SEMA3D: variants seen among roughly 807,000 people sequenced by gnomAD.
The protein encoded by SEMA3D is semaphorin 3D, also known as semaphorin-3D.
SEMA3D carries 84 observed loss-of-function variants against 100.1 expected under a neutral mutation model. That is an observed-to-expected ratio of 0.84 (90% confidence interval 0.70 to 1.01). The LOEUF (loss-of-function observed/expected upper bound fraction) is 1.01, where lower values mean the gene tolerates loss of function less well. SEMA3D is among the 50% of genes least tolerant of loss of function. The pLI, the probability that SEMA3D is intolerant of heterozygous loss-of-function variation, is 0.00. For missense variants in SEMA3D, 875 were observed against 934.1 expected (o/e 0.94, Z 0.82); for synonymous variants, 312 against 320.7 (o/e 0.97, Z 0.29).
At chr7:85,091,003 G>A (rs1449655704) in intron 4 of SEMA3D, among the ~76,000 whole-genome samples, 1 of 147,040 alleles carries the variant, frequency 6.8e-6, no homozygotes, top group African/African-American at 2.5e-5. Context: ...AGAAGAAAGA[G>A]AAAGAAAGAA....
the SEMA3D span, among the ~76,000 whole-genome samples, chr7:85,212,940 T>G: frequency 6.6e-6 from 1 of 152,036 alleles, no homozygotes; most frequent in Non-Finnish European, 1.5e-5. Context: ...GCTAAAATAT[T>G]GCCCAGAAGA....
At chr7:85,191,478 T>C (rs1791693404), upstream of SEMA3D, among the ~76,000 whole-genome samples, 1 of 152,168 alleles carries the variant, frequency 6.6e-6, no homozygotes, top group Non-Finnish European at 1.5e-5. Flanking sequence ...TACAGTGTAT[T>C]CTTCTAAGAA....
chr7:85,181,885 A>G (rs986515642), intron 1 of SEMA3D: 14 of 277,096 alleles, frequency 5.1e-5, no homozygotes, highest in Non-Finnish European at 7.1e-5. Context: ...ATTGAAAATC[A>G]TCAAAATTAT....
the SEMA3D span, among the ~76,000 whole-genome samples, chr7:85,196,015 A>G: frequency 1.3e-5 from 2 of 152,174 alleles, no homozygotes; most frequent in Non-Finnish European, 2.9e-5. Context: ...TTGTACCTCA[A>G]AAATGTTATT....
chr7:85,079,327 G>T (rs561554399), intron 5 of SEMA3D, among the ~76,000 whole-genome samples: 1 of 152,184 alleles, frequency 6.6e-6, no homozygotes, highest in Admixed American at 6.5e-5. Context: ...AAACGAACAA[G>T]TTAAAATGAG....
intron 3 of SEMA3D, among the ~76,000 whole-genome samples, chr7:85,120,820 G>A (rs1336412547): frequency 6.6e-6 from 1 of 151,458 alleles, no homozygotes; most frequent in Non-Finnish European, 1.5e-5. Flanking sequence ...AAATACATAA[G>A]AACTCAAAAA....
chr7:85,195,394 T>C, the SEMA3D span, among the ~76,000 whole-genome samples: 29 of 152,290 alleles, frequency 1.9e-4, no homozygotes, highest in African/African-American at 7.0e-4. Context: ...ATTGGGAAAC[T>C]GAAGAAAACC....
the SEMA3D span, among the ~76,000 whole-genome samples, chr7:85,197,541 G>C: frequency 7.1e-6 from 1 of 139,870 alleles, no homozygotes; most frequent in Non-Finnish European, 1.5e-5. Flanking sequence ...GAATTTGATT[G>C]ATGTCTCATG....
chr7:85,010,461 G>GTC (rs1299448261), intron 17 of SEMA3D, among the ~76,000 whole-genome samples: 1 of 151,802 alleles, frequency 6.6e-6, no homozygotes, highest in Non-Finnish European at 1.5e-5. Context: ...AGAGAGACCA[G>GTC]TGAAGTAGCT....
At chr7:85,196,101 G>T in the SEMA3D span, among the ~76,000 whole-genome samples, 2 of 152,230 alleles carry the variant, frequency 1.3e-5, no homozygotes, top group African/African-American at 4.8e-5. Context: ...AATAGTTTTA[G>T]AATAGAATGA....
chr7:85,002,633 G>A (rs772447639), intron 18 of SEMA3D, among the ~76,000 whole-genome samples: 21 of 152,104 alleles, frequency 1.4e-4, no homozygotes, highest in Non-Finnish European at 2.6e-4. Flanking sequence ...GTAATCTCTG[G>A]CCATTGATTT....
At position 84,999,416 on chromosome 7, in the gene SEMA3D, C is replaced by A. The variant is rs1344545683; in HGVS notation, c.*24G>T. The A allele has an allele frequency of 1.9e-6, 3 of 1,593,142 alleles. No homozygotes were observed. The highest frequency in any genetic ancestry group is 2.2e-5 in the South Asian group (2 of 90,022). ...GCAATGTTTTTATAGGTAAGGAATT[C>A]TTTTCTTTAAATTAAGTAGAAAACT... On this transcript the variant is annotated 3_prime_UTR_variant, in exon 19 of 19. Transcript: ENST00000284136.
chr7:85,072,489 T>A (rs1791802161), intron 6 of SEMA3D, among the ~76,000 whole-genome samples: 1 of 152,190 alleles, frequency 6.6e-6, no homozygotes, highest in Non-Finnish European at 1.5e-5. Flanking sequence ...ATACTATGTA[T>A]ATCTAGTTAA....
chr7:85,017,956 A>G (rs1357497900), intron 15 of SEMA3D, among the ~76,000 whole-genome samples: 1 of 151,794 alleles, frequency 6.6e-6, no homozygotes, highest in Non-Finnish European at 1.5e-5. Flanking sequence ...TTGATATTCT[A>G]CATGAATGTC....
At position 85,015,184 on chromosome 7, in the gene SEMA3D, C is replaced by T. The variant is rs17559084; in HGVS notation, c.1578G>A (p.Leu526=). 476,592 of 1,609,492 alleles carry T rather than the reference C, an allele frequency of 0.3. 76,133 individuals carry two copies. The highest frequency in any genetic ancestry group is 0.34 in the Non-Finnish European group (396,770 of 1,176,784). The change falls in exon 16 of 19, where the codon TTG becomes TTA. Residue 526 remains leucine (L), a synonymous_variant. Coordinates refer to ENST00000284136, the MANE Select transcript of SEMA3D (RefSeq NM_001384900.1). ...QQLYIGSRDG[L]VQLSLHRCDT... ...CGCATCTGTGCAAGGAGAGCTGAAC[C>T]AATCCATCTCGGGAACCAATGTACA...
At chr7:85,003,340 A>G (rs1350194370) in intron 18 of SEMA3D, among the ~76,000 whole-genome samples, 1 of 152,090 alleles carries the variant, frequency 6.6e-6, no homozygotes, top group Admixed American at 6.6e-5. Flanking sequence ...TCGTTATTAA[A>G]AAGAAAAAAT....
chr7:85,207,987 G>C, the SEMA3D span, among the ~76,000 whole-genome samples: 1 of 151,910 alleles, frequency 6.6e-6, no homozygotes, highest in Non-Finnish European at 1.5e-5. Flanking sequence ...AGATGATATT[G>C]AACATGTCTT....
chr7:85,082,088 G>A (rs1678444443), intron 4 of SEMA3D, among the ~76,000 whole-genome samples: 1 of 152,184 alleles, frequency 6.6e-6, no homozygotes, highest in South Asian at 2.1e-4. Context: ...TTAGCTAAAT[G>A]TTTTATAAGC....
At chr7:85,129,799 C>T (rs1314743079) in intron 2 of SEMA3D, among the ~76,000 whole-genome samples, 2 of 151,888 alleles carry the variant, frequency 1.3e-5, no homozygotes, top group African/African-American at 4.8e-5. Context: ...TAAAGAAATG[C>T]CATCAAATCT....
Sources: gnomAD v4.1 joint callset for allele counts (sites outside exome capture counted in the v4.1 genomes callset) on GRCh38, gnomAD v4.1.1 for gene constraint, MANE v1.5 for transcripts, NCBI Gene and HGNC (gene_info 2026-07-23, HGNC 2026-07-21) for gene names.